Variants in SPECC1 observed in about 807,000 individuals in gnomAD.
The protein encoded by SPECC1 is cytospin-B.
Under a neutral mutation model 104.1 loss-of-function variants are expected in SPECC1, and 62 were observed. That is an observed-to-expected ratio of 0.60 (90% CI 0.49 to 0.74). The LOEUF is 0.74. Among genes scored for constraint, SPECC1 ranks in the 30% least tolerant of loss-of-function variants. SPECC1 has a pLI of 0.00. For missense variants in SPECC1, 1,306 were observed against 1,310.5 expected, an observed-to-expected ratio of 1.00 and a Z score of 0.05; for synonymous variants, 513 against 501.6, an observed-to-expected ratio of 1.02 and a Z score of -0.30.
At chr17:20,207,629 G>A (rs754355711) in intron 4 of SPECC1, among the ~76,000 whole-genome samples, 1 of 152,024 alleles carries the variant, frequency 6.6e-6, no homozygotes, top group South Asian at 2.1e-4. Context: ...TATTACAGAC[G>A]ATTTAAAAAG....
intron 14 of SPECC1, 38 bp downstream of exon 14, chr17:20,306,120 T>A (rs756236175): frequency 1.9e-6 from 3 of 1,579,432 alleles, no homozygotes; most frequent in Non-Finnish European, 2.6e-6. Flanking sequence ...ATACTTTAAT[T>A]GTATGAGAAA....
At chr17:20,138,110 A>C (rs2030254274) in intron 3 of SPECC1, among the ~76,000 whole-genome samples, 1 of 152,100 alleles carries the variant, frequency 6.6e-6, no homozygotes, top group Admixed American at 6.5e-5. Context: ...CTGGGACTAC[A>C]GGTGGGCACC....
At chr17:20,067,550 T>C (rs112020362) in intron 1 of SPECC1, among the ~76,000 whole-genome samples, 3,828 of 152,286 alleles carry the variant, frequency 0.025, 161 homozygotes, top group African/African-American at 0.086. Flanking sequence ...CACCAAAATA[T>C]ATTGTCGTCA....
chr17:20,171,745 T>G (rs897734464), intron 3 of SPECC1, among the ~76,000 whole-genome samples: 1 of 152,176 alleles, frequency 6.6e-6, no homozygotes, highest in Non-Finnish European at 1.5e-5. Flanking sequence ...AGGTAGGGTC[T>G]TGCTGTATTG....
At chr17:20,246,735 T>G (rs930964829) in intron 8 of SPECC1, among the ~76,000 whole-genome samples, 14 of 152,240 alleles carry the variant, frequency 9.2e-5, no homozygotes, top group African/African-American at 3.4e-4. Flanking sequence ...CTGTCTACAG[T>G]AACAATATCT....
chr17:20,204,205 A>G (rs1597965800), intron 3 of SPECC1, 128 bp from the exon 4 acceptor site: 3 of 1,158,672 alleles, frequency 2.6e-6, no homozygotes, highest in Non-Finnish European at 2.4e-6. Context: ...GTAATTAGCT[A>G]GAGGAGGAGG....
chr17:20,046,979 G>T (rs1413762984), intron 1 of SPECC1, among the ~76,000 whole-genome samples: 1 of 152,140 alleles, frequency 6.6e-6, no homozygotes, highest in African/African-American at 2.4e-5. Context: ...GACAAGACTG[G>T]GAGGAGGGAA....
At chr17:20,175,782 G>T (rs2034431359) in intron 3 of SPECC1, among the ~76,000 whole-genome samples, 1 of 152,224 alleles carries the variant, frequency 6.6e-6, no homozygotes, top group African/African-American at 2.4e-5. Flanking sequence ...GTCCCTAGGG[G>T]GCCTGGGCCT....
chr17:20,159,934 C>G (rs917739570), intron 3 of SPECC1, among the ~76,000 whole-genome samples: 20 of 152,020 alleles, frequency 1.3e-4, no homozygotes, highest in African/African-American at 4.8e-4. Context: ...TTGTAGCAAC[C>G]CAGAGGAAGG....
chr17:20,081,746 G>GT (rs2046984308), intron 1 of SPECC1, among the ~76,000 whole-genome samples: 1 of 152,108 alleles, frequency 6.6e-6, no homozygotes, highest in African/African-American at 2.4e-5. Context: ...CCCGTGATGT[G>GT]TTTGTTGCTC....
intron 3 of SPECC1, among the ~76,000 whole-genome samples, chr17:20,130,046 G>T (rs963301560): frequency 6.6e-6 from 1 of 152,152 alleles, no homozygotes; most frequent in East Asian, 1.9e-4. Flanking sequence ...GAGCCACTGC[G>T]CCCAGCTGCC....
At chr17:20,158,448 A>C (rs531168913) in intron 3 of SPECC1, among the ~76,000 whole-genome samples, 1 of 152,326 alleles carries the variant, frequency 6.6e-6, no homozygotes, top group East Asian at 1.9e-4. Flanking sequence ...ATGCAGACCC[A>C]ACACCTATGA....
intron 14 of SPECC1, among the ~76,000 whole-genome samples, chr17:20,308,846 G>A (rs1253200970): frequency 6.6e-6 from 1 of 152,198 alleles, no homozygotes; most frequent in African/African-American, 2.4e-5. Context: ...AGAGAGATCA[G>A]GTAAGGATAA....
intron 1 of SPECC1, among the ~76,000 whole-genome samples, chr17:20,046,296 TTTC>T (rs1315256741): frequency 6.6e-6 from 1 of 152,154 alleles, no homozygotes; most frequent in African/African-American, 2.4e-5. Flanking sequence ...TTATTAATTT[TTTC>T]TTTCTAGGCT....
intron 2 of SPECC1, among the ~76,000 whole-genome samples, chr17:20,102,082 A>G (rs1022357063): frequency 6.6e-6 from 1 of 152,266 alleles, no homozygotes; most frequent in African/African-American, 2.4e-5. Context: ...GCACACCTTC[A>G]TAGGATCTTC....
intron 4 of SPECC1, 96 bp downstream of exon 4, chr17:20,206,008 T>C (rs1056493094): frequency 3.4e-6 from 5 of 1,470,380 alleles, no homozygotes; most frequent in Non-Finnish European, 4.5e-6. Flanking sequence ...AGCATTTGCT[T>C]AGTCTGTTTC....
At chr17:20,288,546 C>T (rs75696103) in intron 12 of SPECC1, among the ~76,000 whole-genome samples, 36,164 of 152,004 alleles carry the variant, frequency 0.24, 5,439 homozygotes, top group East Asian at 0.43. Flanking sequence ...CCATGTCACA[C>T]CAGCCAGAAT....
At chr17:20,276,128 T>C (rs1013979873) in intron 12 of SPECC1, among the ~76,000 whole-genome samples, 1 of 152,148 alleles carries the variant, frequency 6.6e-6, no homozygotes, top group Admixed American at 6.5e-5. Context: ...TCTCTTTTTT[T>C]CCCCCAGAGT....
intron 12 of SPECC1, among the ~76,000 whole-genome samples, chr17:20,268,760 A>G (rs2040299099): frequency 1.3e-5 from 2 of 152,188 alleles, no homozygotes; most frequent in African/African-American, 4.8e-5. Context: ...TTTGCAAAAT[A>G]AAGATGCAAG....
Sources: gnomAD v4.1 joint callset for allele counts (sites outside exome capture counted in the v4.1 genomes callset) on GRCh38, gnomAD v4.1.1 for gene constraint, MANE v1.5 for transcripts, NCBI Gene and HGNC (gene_info 2026-07-23, HGNC 2026-07-21) for gene names.